RORA: variants seen among roughly 807,000 people sequenced by gnomAD.
RORA encodes nuclear receptor ROR-alpha.
A neutral mutation model predicts 69.5 loss-of-function variants in RORA; 7 were observed. The observed-to-expected ratio is 0.10, with a 90% confidence interval of 0.06 to 0.19. RORA has a LOEUF of 0.19. Among genes scored for constraint, RORA ranks in the 10% least tolerant of loss-of-function variants. The probability of loss-of-function intolerance (pLI) is 1.00; values close to 1 mark genes in which losing one functional copy is unlikely to be tolerated. For missense variants in RORA, 457 were observed against 663.0 expected (o/e 0.69, Z 3.41); for synonymous variants, 261 against 240.8 (o/e 1.08, Z -0.78).
chr15:60,732,773 A>G (rs2071445719), intron 1 of RORA, among the ~76,000 whole-genome samples: 1 of 152,152 alleles, frequency 6.6e-6, no homozygotes, highest in South Asian at 2.1e-4. Flanking sequence ...ACAGTTAAAC[A>G]TACTTACAAT....
chr15:60,560,061 T>C (rs1176884008), intron 2 of RORA, among the ~76,000 whole-genome samples: 1 of 151,962 alleles, frequency 6.6e-6, no homozygotes, highest in African/African-American at 2.4e-5. Context: ...CAACCAATCA[T>C]TGTAGCCCAT....
At chr15:60,818,838 C>A (rs971767599) in intron 1 of RORA, among the ~76,000 whole-genome samples, 1 of 152,176 alleles carries the variant, frequency 6.6e-6, no homozygotes, top group Non-Finnish European at 1.5e-5. Flanking sequence ...ATAAGCCCAG[C>A]ACGAAACTTG....
At position 60,490,033 on chromosome 15, in the gene RORA, A is replaced by G. The variant is rs2065016373; in HGVS notation, c.*7422T>C. Reference sequence around the variant, plus strand: ...CTATAGATGTCAAATATCCATACTAAGGAAGTAATTTTATCCTAATTAAAT... The same window carrying G: ...CTATAGATGTCAAATATCCATACTAGGGAAGTAATTTTATCCTAATTAAAT... On this transcript the variant is annotated 3_prime_UTR_variant, in exon 11 of 11. Transcript: ENST00000335670. This position sits in a 1 kb window ranked among gnomAD's most constrained non-coding sequence, Gnocchi z 4.1. The G allele has an allele frequency of 6.6e-6, 1 of 152,006 alleles. No homozygotes were observed. Among genetic ancestry groups the G allele is most frequent in the Non-Finnish European group, 1.5e-5 (1 of 67,962 alleles). 9.4% of individuals were successfully genotyped at this position (152,006 alleles called of 1,614,324 possible).
At chr15:60,770,167 G>A (rs2072052171) in intron 1 of RORA, among the ~76,000 whole-genome samples, 1 of 152,126 alleles carries the variant, frequency 6.6e-6, no homozygotes, top group Non-Finnish European at 1.5e-5. Flanking sequence ...GTTTCTGAAT[G>A]CTGCCCATTT....
intron 2 of RORA, among the ~76,000 whole-genome samples, chr15:60,542,445 A>ACATGCACACCTCACACACACATG (rs1567072882): frequency 1.4e-5 from 2 of 142,130 alleles, no homozygotes; most frequent in African/African-American, 6.2e-5. Context: ...CTCACAGCAC[A>ACATGCACACCTCACACACACATG]GCACACAGGC....
intron 1 of RORA, among the ~76,000 whole-genome samples, chr15:60,734,550 G>A (rs78949051): frequency 0.029 from 4,424 of 152,312 alleles, 104 homozygotes; most frequent in Middle Eastern, 0.061. Context: ...CTGTGGAGCT[G>A]AAAGTTTGTC....
chr15:60,995,428 C>T (rs1017245072), intron 1 of RORA, among the ~76,000 whole-genome samples: 7 of 152,300 alleles, frequency 4.6e-5, no homozygotes, highest in Non-Finnish European at 8.8e-5. Flanking sequence ...TATTTCCTGG[C>T]TCCACATTCT....
chr15:60,843,561 G>A (rs752428678), intron 1 of RORA, among the ~76,000 whole-genome samples: 21 of 152,266 alleles, frequency 1.4e-4, no homozygotes, highest in Middle Eastern at 6.8e-3. Flanking sequence ...TCCACTAGCT[G>A]CCCAAGGGCA....
intron 1 of RORA, among the ~76,000 whole-genome samples, chr15:60,757,256 C>A (rs988586453): frequency 4.6e-5 from 7 of 152,084 alleles, no homozygotes; most frequent in African/African-American, 1.7e-4. Flanking sequence ...TTTTCTCTCC[C>A]TTGCATCATC....
At position 60,496,023 on chromosome 15, in the gene RORA, T is replaced by C. The variant is rs2065158871; in HGVS notation, c.*1432A>G. On this transcript the variant is annotated 3_prime_UTR_variant, in exon 11 of 11. Coordinates refer to ENST00000335670, the MANE Select transcript of RORA (RefSeq NM_134261.3). This position sits in a 1 kb window ranked among gnomAD's most constrained non-coding sequence, Gnocchi z 4.5. ...TGTTTGCAGCTAGCATCAACTTCAC[T>C]TTAAAGGCTTAAAGTATTTAATATT... 2 of 152,208 alleles carry C rather than the reference T, an allele frequency of 1.3e-5. No individual in the cohort carries two copies. The highest frequency in any genetic ancestry group is 6.5e-5 in the Admixed American group (1 of 15,272). 9.4% of individuals were successfully genotyped at this position (152,208 alleles called of 1,614,324 possible).
chr15:60,529,642 C>G (rs765083514), intron 3 of RORA: 12 of 152,160 alleles, frequency 7.9e-5, no homozygotes, highest in Non-Finnish European at 1.5e-4. Context: ...AAAATGGCAA[C>G]TTTGGAATAA....
intron 1 of RORA, among the ~76,000 whole-genome samples, chr15:61,162,931 G>A (rs550304647): frequency 2.0e-5 from 3 of 152,334 alleles, no homozygotes; most frequent in Middle Eastern, 3.4e-3. Context: ...TAGGGTCAGA[G>A]CAGGTCTTGC....
intron 1 of RORA, among the ~76,000 whole-genome samples, chr15:61,191,308 T>A (rs115842012): frequency 1.3e-5 from 2 of 151,520 alleles, no homozygotes; most frequent in African/African-American, 4.9e-5. Context: ...TGTATTATTA[T>A]TTCACAAGCT....
At chr15:61,059,950 G>GGAC (rs1225628864) in intron 1 of RORA, among the ~76,000 whole-genome samples, 2 of 137,522 alleles carry the variant, frequency 1.5e-5, no homozygotes, top group African/African-American at 5.5e-5. Context: ...AGAAGAAGAA[G>GGAC]AAGAAGAAGA....
At chr15:61,060,835 G>T (rs1172545365) in intron 1 of RORA, among the ~76,000 whole-genome samples, 2 of 151,814 alleles carry the variant, frequency 1.3e-5, no homozygotes, top group African/African-American at 4.8e-5. Flanking sequence ...TATAGCTGAT[G>T]AGCCAAAAAA....
intron 1 of RORA, among the ~76,000 whole-genome samples, chr15:60,948,128 A>T (rs1892956805): frequency 6.6e-6 from 1 of 152,144 alleles, no homozygotes; most frequent in Admixed American, 6.5e-5. Context: ...CATGCCCAAG[A>T]CGCCCAGATT....
chr15:60,621,694 A>G (rs1337810457), intron 2 of RORA, among the ~76,000 whole-genome samples: 1 of 152,180 alleles, frequency 6.6e-6, no homozygotes, highest in Non-Finnish European at 1.5e-5. Context: ...GATTATGATC[A>G]TTGTACTGTG....
intron 1 of RORA, among the ~76,000 whole-genome samples, chr15:60,831,818 T>C (rs1462711603): frequency 6.6e-6 from 1 of 152,204 alleles, no homozygotes; most frequent in Non-Finnish European, 1.5e-5. Context: ...GAAGAAATAC[T>C]TGTGGCTGAT....
intron 1 of RORA, among the ~76,000 whole-genome samples, chr15:61,227,446 C>G (rs1402153726): frequency 6.6e-6 from 1 of 152,108 alleles, no homozygotes; most frequent in African/African-American, 2.4e-5. Flanking sequence ...CCGCTGAAAC[C>G]GCGGTTCGCC....
Sources: gnomAD v4.1 joint callset for allele counts (sites outside exome capture counted in the v4.1 genomes callset) on GRCh38, gnomAD v4.1.1 for gene constraint, Gnocchi (gnomAD v3.1) non-coding constraint, MANE v1.5 for transcripts, NCBI Gene and HGNC (gene_info 2026-07-23, HGNC 2026-07-21) for gene names.